Variants in PGAP4 observed in about 807,000 individuals in gnomAD.
PGAP4 encodes GPI-N-acetylgalactosamine transferase PGAP4.
A neutral mutation model predicts 28.2 loss-of-function variants in PGAP4; 12 were observed. The ratio of observed to expected loss-of-function variants is 0.42; its 90% CI spans 0.27 to 0.69. The LOEUF is 0.69. PGAP4 is among the 30% of genes least tolerant of loss of function. The pLI is 0.22. For missense variants in PGAP4, 425 were observed against 513.5 expected (o/e 0.83, Z 1.67); for synonymous variants, 205 against 211.8 (o/e 0.97, Z 0.28).
In PGAP4 at chr9:101,476,634, A is replaced by G. The variant is rs1211795328; in HGVS notation, c.459T>C (p.Phe153=). Residue 153 remains phenylalanine (F), a synonymous_variant, in exon 2 of 2, where the codon TTT becomes TTC. Transcript: ENST00000374848. The surrounding 1 kb of genome is among the most constrained non-coding windows in gnomAD (Gnocchi z 7.0). ...LCNVERSVSH[F]DAKLLSKYVP... is the part of the protein sequence containing the mutation. ...CATACTTGGAGAGCAACTTGGCATC[A>G]AAATGGCTCACACTACGCTCCACGT... is the stretch of plus-strand genomic sequence containing the variant. The G allele has an allele frequency of 6.2e-7, 1 of 1,614,090 alleles. No homozygotes were observed. The highest frequency in any genetic ancestry group is 1.3e-5 in the African/African-American group (1 of 74,926).
intron 2 of PGAP4, among the ~76,000 whole-genome samples, chr9:101,494,436 A>C (rs1265810232): frequency 6.6e-6 from 1 of 151,960 alleles, no homozygotes; most frequent in East Asian, 1.9e-4. Context: ...AAATTTTCTT[A>C]AATCTGGAGA....
intron 2 of PGAP4, chr9:101,501,544 G>A (rs1826799027): frequency 5.0e-6 from 2 of 399,458 alleles, no homozygotes; most frequent in Non-Finnish European, 9.9e-6. Context: ...ATGATTTCAT[G>A]CATTTAGAGG....
chr9:101,511,371 G>T (rs923346096), intron 2 of PGAP4, among the ~76,000 whole-genome samples: 3 of 152,176 alleles, frequency 2.0e-5, no homozygotes, highest in Non-Finnish European at 2.9e-5. Context: ...CCACAGACCG[G>T]TTAAGCAGGG....
At chr9:101,522,671 G>T (rs1415686328) in intron 2 of PGAP4, among the ~76,000 whole-genome samples, 1 of 152,154 alleles carries the variant, frequency 6.6e-6, no homozygotes, top group Non-Finnish European at 1.5e-5. Context: ...TATCCATTCT[G>T]CAGTTCTGTA....
Position 101,477,033 on chromosome 9 carries a change from C to T in PGAP4, c.60G>A (p.Trp20Ter), listed in dbSNP as rs139365205. Reference sequence around the variant, plus strand: ...TGAAGAGCTGGACAGCAGTGCTGCCCCAGGAGAGTCGCCGCAGCCTCCGGA... The same window carrying T: ...TGAAGAGCTGGACAGCAGTGCTGCCTCAGGAGAGTCGCCGCAGCCTCCGGA... ...MLLRRLRRLS[W>*]GSTAVQLFIL... The change falls in exon 2 of 2, where the codon TGG (tryptophan) becomes TGA (stop). Residue 20 changes from tryptophan (W) to a stop codon, truncating the protein, a stop_gained. Coordinates refer to ENST00000374848, the MANE Select transcript of PGAP4 (RefSeq NM_032342.3). LOFTEE classifies it high-confidence loss of function. The T allele has an allele frequency of 1.2e-6, 2 of 1,611,912 alleles. No individual in the cohort carries two copies. Among genetic ancestry groups the T allele is most frequent in the African/African-American group, 2.7e-5 (2 of 74,830 alleles).
At chr9:101,509,298 T>C (rs1383364579) in intron 2 of PGAP4, among the ~76,000 whole-genome samples, 1 of 152,198 alleles carries the variant, frequency 6.6e-6, no homozygotes, top group Admixed American at 6.5e-5. Context: ...CGTTCACTAG[T>C]GGCCCCCATA....
At chr9:101,525,522 C>T (rs959525506) in intron 2 of PGAP4, among the ~76,000 whole-genome samples, 1 of 151,798 alleles carries the variant, frequency 6.6e-6, no homozygotes, top group Non-Finnish European at 1.5e-5. Flanking sequence ...GCCTGGCCAA[C>T]ATGGCGAAAC....
chr9:101,531,005 T>C (rs986860124), intron 2 of PGAP4, among the ~76,000 whole-genome samples: 3 of 152,130 alleles, frequency 2.0e-5, no homozygotes, highest in African/African-American at 2.4e-5. Flanking sequence ...AGAGCCTTAA[T>C]AGAACAAAGA....
At chr9:101,493,817 T>A (rs926415125) in intron 2 of PGAP4, among the ~76,000 whole-genome samples, 11 of 152,112 alleles carry the variant, frequency 7.2e-5, no homozygotes, top group African/African-American at 2.7e-4. Flanking sequence ...CATTTAGTTT[T>A]AGTTTATAGA....
upstream of PGAP4, among the ~76,000 whole-genome samples, chr9:101,491,954 G>A (rs1322293309): frequency 2.7e-5 from 4 of 150,884 alleles, no homozygotes; most frequent in East Asian, 5.8e-4. Flanking sequence ...CAATTGTTGG[G>A]GGTAGTGTTC....
chr9:101,494,058 T>C (rs1826715116), intron 2 of PGAP4, among the ~76,000 whole-genome samples: 1 of 152,048 alleles, frequency 6.6e-6, no homozygotes, highest in Admixed American at 6.6e-5. Flanking sequence ...GTTTGAGGCT[T>C]GGAAGCCAAA....
chr9:101,475,535 G>A lies in PGAP4; in HGVS notation c.*346C>T, dbSNP rs1826272605. On this transcript the variant is annotated 3_prime_UTR_variant, in exon 2 of 2. Transcript: ENST00000374848. ...AAGATCCTAAAACAGTCATATCACT[G>A]TGCACAAAATTTTTGGCAGTCACAA... 3.7e-6 allele frequency: 1 copy of A among 270,714 alleles called. No individual in the cohort carries two copies. Among genetic ancestry groups the A allele is most frequent in the South Asian group, 6.8e-5 (1 of 14,656 alleles). 16.8% of individuals were successfully genotyped at this position (270,714 alleles called of 1,614,324 possible).
At chr9:101,520,197 C>T (rs1244726882) in intron 2 of PGAP4, among the ~76,000 whole-genome samples, 1 of 152,034 alleles carries the variant, frequency 6.6e-6, no homozygotes, top group African/African-American at 2.4e-5. Context: ...TATACAAGCT[C>T]CTTTTTGGTT....
At chr9:101,505,671 G>A (rs575379860) in intron 2 of PGAP4, among the ~76,000 whole-genome samples, 33 of 152,202 alleles carry the variant, frequency 2.2e-4, no homozygotes, top group African/African-American at 7.2e-4. Flanking sequence ...ATGAGGGCTA[G>A]AGTTAAAGAA....
chr9:101,529,771 G>A (rs1288086678), intron 2 of PGAP4, among the ~76,000 whole-genome samples: 1 of 152,136 alleles, frequency 6.6e-6, no homozygotes, highest in Non-Finnish European at 1.5e-5. Context: ...AAGAGGAGGG[G>A]GCTCGTTTTT....
chr9:101,533,079 C>G lies in PGAP4; in HGVS notation c.-779G>C. 1.3e-5 allele frequency: 2 copies of G among 151,412 alleles called. 1 individual carries two copies. The highest frequency in any genetic ancestry group is 3.9e-4 in the East Asian group (2 of 5,188). 9.4% of individuals were successfully genotyped at this position (151,412 alleles called of 1,614,324 possible). A position where few individuals can be genotyped will look rare whatever the true frequency, so the allele number is the denominator to read the frequency against. ...TTTAGTTTAACTGAATGGAAAATAG[C>G]AGTTTGTCATAAACTTAAAAAAAAA... On this transcript the variant is annotated 5_prime_UTR_variant, in exon 1 of 4. Transcript: ENST00000374851.
intron 1 of PGAP4, among the ~76,000 whole-genome samples, chr9:101,482,190 GT>G (rs1278326871): frequency 6.6e-6 from 1 of 152,222 alleles, no homozygotes; most frequent in Non-Finnish European, 1.5e-5. Context: ...GCTCACACCG[GT>G]AATCCCACCA....
intron 2 of PGAP4, among the ~76,000 whole-genome samples, chr9:101,507,560 C>A (rs1272958299): frequency 6.6e-6 from 1 of 152,132 alleles, no homozygotes; most frequent in African/African-American, 2.4e-5. Flanking sequence ...AGTTCTTGAA[C>A]CCCTTCCTTG....
At chr9:101,528,937 C>T (rs1405282558) in intron 2 of PGAP4, among the ~76,000 whole-genome samples, 2 of 151,836 alleles carry the variant, frequency 1.3e-5, no homozygotes, top group African/African-American at 4.8e-5. Context: ...GATCCTCTCC[C>T]TCCTCCCACC....
Sources: gnomAD v4.1 joint callset for allele counts (sites outside exome capture counted in the v4.1 genomes callset) on GRCh38, gnomAD v4.1.1 for gene constraint, Gnocchi (gnomAD v3.1) non-coding constraint, MANE v1.5 for transcripts, NCBI Gene and HGNC (gene_info 2026-07-23, HGNC 2026-07-21) for gene names.